TMEM201: variants seen among roughly 807,000 people sequenced by gnomAD.
TMEM201 encodes transmembrane protein 201.
A neutral mutation model predicts 63.4 loss-of-function variants in TMEM201; 26 were observed. That is an observed-to-expected ratio of 0.41 (90% CI 0.30 to 0.57). The LOEUF is 0.57. TMEM201 is among the 20% of genes least tolerant of loss of function. TMEM201 has a pLI of 0.29. For missense variants in TMEM201, 794 were observed against 917.7 expected (o/e 0.87, Z 1.74); for synonymous variants, 417 against 421.6 (o/e 0.99, Z 0.14).
Position 9,607,442 on chromosome 1 carries a change from C to A in TMEM201, c.1161-115C>A. On this transcript the variant is annotated intron_variant, in intron 6 of 10. Coordinates refer to ENST00000340381, the MANE Select transcript of TMEM201 (RefSeq NM_001130924.3). The surrounding 1 kb of genome is among the most constrained non-coding windows in gnomAD (Gnocchi z 5.4). ...TAACTAACGCACGCCTCCTCTGGGA[C>A]CCCAGCTGAGGCCCCCACCTTGCAC... is the stretch of plus-strand genomic sequence containing the variant. 1 of 756,930 alleles carries A rather than the reference C, an allele frequency of 1.3e-6. No homozygotes were observed. The highest frequency in any genetic ancestry group is 2.1e-6 in the Non-Finnish European group (1 of 477,682). The allele number at this position is 756,930 out of a possible 1,614,324, so 46.9% of individuals were successfully genotyped here. A position where few individuals can be genotyped will look rare whatever the true frequency, so the allele number is the denominator to read the frequency against.
At chr1:9,599,524 G>T (rs948024801) in intron 4 of TMEM201, among the ~76,000 whole-genome samples, 2 of 150,068 alleles carry the variant, frequency 1.3e-5, no homozygotes, top group African/African-American at 4.9e-5. Flanking sequence ...CAAAGTGCTG[G>T]GATTACAGGC....
intron 2 of TMEM201, among the ~76,000 whole-genome samples, chr1:9,596,546 G>T (rs1490602071): frequency 3.3e-5 from 5 of 152,200 alleles, no homozygotes; most frequent in African/African-American, 1.2e-4. Flanking sequence ...CTAGACCAGG[G>T]TTTGCAGACT....
intron 9 of TMEM201, 91 bp from the exon 10 acceptor site, chr1:9,611,662 A>C: frequency 6.6e-7 from 1 of 1,519,292 alleles, no homozygotes; most frequent in African/African-American, 1.4e-5. Flanking sequence ...CACTTCTGAC[A>C]ACTGTCCTTA....
In TMEM201 at chr1:9,611,793, C is replaced by T. The variant is rs369828396; in HGVS notation, c.1806C>T (p.Asn602=). Reference sequence around the variant, plus strand: ...TGGAAAGAGGCAGTGCCTGCAGCAACCGCTCCATCAAGAAAGAGGACGACT... The same window carrying T: ...TGGAAAGAGGCAGTGCCTGCAGCAATCGCTCCATCAAGAAAGAGGACGACT... The part of the protein sequence containing the change: ...SKLERGSACS[N]RSIKKEDDSS... The change falls in exon 10 of 11, where the codon AAC becomes AAT. Residue 602 remains asparagine (N), a synonymous_variant. Transcript: ENST00000340381. 1.9e-6 allele frequency: 3 copies of T among 1,551,130 alleles called. No homozygotes were observed. The African/African-American group carries it at 4.1e-5, about 21-fold the overall frequency.
intron 1 of TMEM201, 84 bp from the exon 2 acceptor site, chr1:9,595,806 G>C (rs1644007051): frequency 1.9e-6 from 3 of 1,583,246 alleles, no homozygotes; most frequent in Admixed American, 3.4e-5. Context: ...CCTTTCCCTG[G>C]TGGCCCTGGG....
rs1374829864 is a variant in TMEM201 at position 9,610,428 on chromosome 1, C to T, written c.1466-78C>T. 3 of 1,335,152 alleles carry T rather than the reference C, an allele frequency of 2.2e-6. No individual in the cohort carries two copies. The highest frequency in any genetic ancestry group is 3.0e-6 in the Non-Finnish European group (3 of 1,001,812). The allele number at this position is 1,335,152 out of a possible 1,614,324, so 82.7% of individuals were successfully genotyped here. ...TCTTCCCGGGTTAATAGAAGAATGC[C>T]CCCAGAAATGAAATAGCGCATTGTA... On this transcript the variant is annotated intron_variant, in intron 8 of 10. Transcript: ENST00000340381. The surrounding 1 kb of genome is among the most constrained non-coding windows in gnomAD (Gnocchi z 4.9).
chr1:9,613,179 C>A lies in TMEM201; in HGVS notation c.*96C>A. 8.2e-7 allele frequency: 1 copy of A among 1,213,910 alleles called. No homozygotes were observed. The highest frequency in any genetic ancestry group is 1.2e-6 in the Non-Finnish European group (1 of 855,154). 75.2% of individuals were successfully genotyped at this position (1,213,910 alleles called of 1,614,324 possible). ...CTCCCTGGAGGGGCTGCCACCTCTG[C>A]CCTCATCTCCAGGGCCTTGACCTCA... On this transcript the variant is annotated 3_prime_UTR_variant, in exon 11 of 11. Transcript: ENST00000340381.
chr1:9,596,615 G>A (rs554886295), intron 2 of TMEM201, among the ~76,000 whole-genome samples: 24 of 152,354 alleles, frequency 1.6e-4, no homozygotes, highest in South Asian at 8.3e-4. Flanking sequence ...GTGGGTGGGC[G>A]GCGGGCTGCA....
chr1:9,593,107 C>T (rs544217325), intron 1 of TMEM201, among the ~76,000 whole-genome samples: 2 of 152,304 alleles, frequency 1.3e-5, no homozygotes, highest in African/African-American at 4.8e-5. Context: ...GGGGCTTCTC[C>T]CAGAGCAAAA....
intron 1 of TMEM201, among the ~76,000 whole-genome samples, chr1:9,590,839 G>A (rs1175024293): frequency 6.6e-6 from 1 of 152,236 alleles, no homozygotes; most frequent in Non-Finnish European, 1.5e-5. Context: ...CTAGCAAGAG[G>A]TTGAGCCTTC....
At chr1:9,611,251 G>T (rs1327713266) in intron 9 of TMEM201, among the ~76,000 whole-genome samples, 1 of 149,984 alleles carries the variant, frequency 6.7e-6, no homozygotes, top group African/African-American at 2.5e-5. Flanking sequence ...AGGCTGGAGT[G>T]CAGTGGCGTG....
intron 4 of TMEM201, among the ~76,000 whole-genome samples, chr1:9,600,856 G>A (rs1395125172): frequency 6.6e-6 from 1 of 152,184 alleles, no homozygotes; most frequent in Non-Finnish European, 1.5e-5. Flanking sequence ...GGAGGAAGAG[G>A]TTGCAGTGAG....
In TMEM201 at chr1:9,601,085, CCT is replaced by C; in HGVS notation, c.607-15_607-14del. The stretch of plus-strand genomic sequence containing the variant: ...GCTCTGTGGCCGTCTCACTAACCCG[CCT>C]CTCTTCCTCCTTTGCAGAACTTCTC... On this transcript the variant is annotated intron_variant, in intron 4 of 10. Transcript: ENST00000340381. The C allele has an allele frequency of 6.4e-7, 1 of 1,564,624 alleles. No homozygotes were observed. The highest frequency in any genetic ancestry group is 8.7e-7 in the Non-Finnish European group (1 of 1,147,884).
rs928473492 is a variant in TMEM201 at position 9,604,971 on chromosome 1, G to A, written c.1161-2586G>A. Reference sequence around the variant, plus strand: ...TTTACCCGCTGGCGTCAGGTGCCGCGTCTTTCTTCTTTTTTCTTTCTTTCA... The same window carrying A: ...TTTACCCGCTGGCGTCAGGTGCCGCATCTTTCTTCTTTTTTCTTTCTTTCA... On this transcript the variant is annotated intron_variant, in intron 6 of 10. Coordinates refer to ENST00000340381, the MANE Select transcript of TMEM201 (RefSeq NM_001130924.3). This position sits in a 1 kb window ranked among gnomAD's most constrained non-coding sequence, Gnocchi z 4.1. 1.4e-5 allele frequency: 14 copies of A among 985,750 alleles called. No individual in the cohort carries two copies. The highest frequency in any genetic ancestry group is 4.7e-5 in the South Asian group (1 of 21,298). 61.1% of individuals were successfully genotyped at this position (985,750 alleles called of 1,614,324 possible). A position where few individuals can be genotyped will look rare whatever the true frequency, so the allele number is the denominator to read the frequency against.
chr1:9,596,819 G>A, intron 2 of TMEM201, 40 bp from the exon 3 acceptor site: 1 of 1,548,522 alleles, frequency 6.5e-7, no homozygotes, highest in Non-Finnish European at 8.8e-7. Flanking sequence ...GAGCCAGCTG[G>A]GAGGGCCTGC....
chr1:9,609,730 G>C, intron 7 of TMEM201, 110 bp from the exon 8 acceptor site: 1 of 1,066,598 alleles, frequency 9.4e-7, no homozygotes, highest in Non-Finnish European at 1.4e-6. Flanking sequence ...TTCCATGAAA[G>C]CACATTTGTA....
intron 1 of TMEM201, among the ~76,000 whole-genome samples, chr1:9,590,729 C>G (rs368125233): frequency 1.7e-4 from 26 of 152,258 alleles, no homozygotes; most frequent in Middle Eastern, 3.4e-3. Context: ...CCGAGAAGGG[C>G]CAGCCTTTCC....
Position 9,613,186 on chromosome 1 carries a change from C to A in TMEM201, c.*103C>A. On this transcript the variant is annotated 3_prime_UTR_variant, in exon 11 of 11. Coordinates refer to ENST00000340381, the MANE Select transcript of TMEM201 (RefSeq NM_001130924.3). ...GAGGGGCTGCCACCTCTGCCCTCAT[C>A]TCCAGGGCCTTGACCTCACTGGACT... is the stretch of plus-strand genomic sequence containing the variant. 9.0e-7 allele frequency: 1 copy of A among 1,117,040 alleles called. No individual in the cohort carries two copies. The highest frequency in any genetic ancestry group is 1.3e-6 in the Non-Finnish European group (1 of 768,906). 69.2% of individuals were successfully genotyped at this position (1,117,040 alleles called of 1,614,324 possible).
Position 9,604,639 on chromosome 1 carries a change from G to A in TMEM201, c.1160+2367G>A. On this transcript the variant is annotated intron_variant, in intron 6 of 10. Coordinates refer to ENST00000340381, the MANE Select transcript of TMEM201 (RefSeq NM_001130924.3). This position sits in a 1 kb window ranked among gnomAD's most constrained non-coding sequence, Gnocchi z 4.1. The stretch of plus-strand genomic sequence containing the variant: ...ATGGGTGACCGTCCCTGAGACATAA[G>A]CGAGGTAGATTCAGCCATCCTCACC... The A allele has an allele frequency of 1.0e-6, 1 of 985,596 alleles. No homozygotes were observed. Among genetic ancestry groups the A allele is most frequent in the Non-Finnish European group, 1.2e-6 (1 of 829,892 alleles). The allele number at this position is 985,596 out of a possible 1,614,324, so 61.1% of individuals were successfully genotyped here.
Sources: allele counts gnomAD v4.1 joint callset (sites outside exome capture counted in the v4.1 genomes callset), GRCh38; gene constraint gnomAD v4.1.1; non-coding constraint Gnocchi (gnomAD v3.1); transcripts MANE v1.5; gene names NCBI Gene and HGNC (gene_info 2026-07-23, HGNC 2026-07-21).